The following ARHGAP10 variants were observed in gnomAD, a reference collection of about 807,000 sequenced individuals.
The protein encoded by ARHGAP10 is Rho GTPase activating protein 10.
Under a neutral mutation model 108.6 loss-of-function variants are expected in ARHGAP10, and 87 were observed. The ratio of observed to expected loss-of-function variants is 0.80; its 90% CI spans 0.67 to 0.96. The LOEUF (loss-of-function observed/expected upper bound fraction) is 0.96. Ranked by LOEUF, ARHGAP10 falls within the 40% of genes least tolerant of loss-of-function variation. The pLI is 0.00. For synonymous variants in ARHGAP10, 347 were observed against 341.1 expected (o/e 1.02, Z -0.19); for missense variants, 939 against 954.5 (o/e 0.98, Z 0.21).
intron 1 of ARHGAP10, among the ~76,000 whole-genome samples, chr4:147,812,935 A>G (rs1732089460): frequency 6.6e-6 from 1 of 152,200 alleles, no homozygotes; most frequent in South Asian, 2.1e-4. Flanking sequence ...ACTGGCACAA[A>G]GGGAGTGTTA....
At chr4:148,068,757 G>A (rs1340110090) in intron 22 of ARHGAP10, among the ~76,000 whole-genome samples, 1 of 152,206 alleles carries the variant, frequency 6.6e-6, no homozygotes, top group African/African-American at 2.4e-5. Context: ...CTGAAGTTGA[G>A]TGTGGGTTCC....
chr4:147,791,126 T>G (rs1731103859), intron 1 of ARHGAP10, among the ~76,000 whole-genome samples: 1 of 151,664 alleles, frequency 6.6e-6, no homozygotes, highest in African/African-American at 2.4e-5. Context: ...TTTTTTTTTT[T>G]TTTGAGACAG....
intron 1 of ARHGAP10, among the ~76,000 whole-genome samples, chr4:147,803,643 C>G (rs1731667075): frequency 6.6e-6 from 1 of 152,188 alleles, no homozygotes; most frequent in South Asian, 2.1e-4. Context: ...TCCATGAGGT[C>G]AACTTTATTG....
intron 1 of ARHGAP10, among the ~76,000 whole-genome samples, chr4:147,735,190 G>GGT (rs1728368466): frequency 6.6e-6 from 1 of 152,176 alleles, no homozygotes; most frequent in Non-Finnish European, 1.5e-5. Flanking sequence ...TTTATAATGG[G>GGT]GTAGAGGCCC....
intron 1 of ARHGAP10, among the ~76,000 whole-genome samples, chr4:147,743,268 C>T (rs1728767494): frequency 6.6e-6 from 1 of 151,942 alleles, no homozygotes; most frequent in Admixed American, 6.6e-5. Flanking sequence ...TGCTTGACCT[C>T]GTGATCCACC....
chr4:147,741,549 G>A (rs919008973), intron 1 of ARHGAP10, among the ~76,000 whole-genome samples: 10 of 152,278 alleles, frequency 6.6e-5, no homozygotes, highest in African/African-American at 2.4e-4. Context: ...ATGATTTTCA[G>A]GCAGGGACTG....
chr4:147,946,746 G>T (rs1402684023), intron 15 of ARHGAP10, 42 bp downstream of exon 15: 1 of 1,457,988 alleles, frequency 6.9e-7, no homozygotes, highest in Non-Finnish European at 9.3e-7. Context: ...TGGACTATTT[G>T]GATCTGTAAC....
intron 18 of ARHGAP10, among the ~76,000 whole-genome samples, chr4:147,994,044 T>G (rs1056636128): frequency 1.3e-5 from 2 of 152,204 alleles, no homozygotes; most frequent in Admixed American, 6.5e-5. Context: ...ACAGCTTGCT[T>G]TATTCATTTA....
intron 15 of ARHGAP10, among the ~76,000 whole-genome samples, chr4:147,953,428 A>G (rs142134563): frequency 2.6e-5 from 4 of 152,180 alleles, no homozygotes; most frequent in African/African-American, 7.2e-5. Context: ...ATTTTTAACC[A>G]CAAATTCAAT....
chr4:147,755,779 GTGTGGGTGTGTGTGAGTGGT>G (rs1023005148), intron 1 of ARHGAP10, among the ~76,000 whole-genome samples: 2 of 152,124 alleles, frequency 1.3e-5, no homozygotes, highest in East Asian at 1.9e-4. Flanking sequence ...AGAAGGTGGG[GTGTGGGTGTGTGTGAGTGGT>G]TGTGGGTGTG....
chr4:147,899,955 G>C (rs1181926908), intron 10 of ARHGAP10, among the ~76,000 whole-genome samples: 1 of 146,872 alleles, frequency 6.8e-6, no homozygotes, highest in Non-Finnish European at 1.5e-5. Context: ...TATAAGTTTT[G>C]ATATCTGCTT....
At chr4:147,791,531 T>TGC in intron 1 of ARHGAP10, among the ~76,000 whole-genome samples, 1 of 152,112 alleles carries the variant, frequency 6.6e-6, no homozygotes, top group African/African-American at 2.4e-5. Context: ...CGTGTGTGTG[T>TGC]GTGCGCGCGC....
chr4:147,848,435 C>T (rs896086516), intron 4 of ARHGAP10, among the ~76,000 whole-genome samples: 4 of 152,202 alleles, frequency 2.6e-5, no homozygotes, highest in Admixed American at 6.5e-5. Context: ...GATCGGAGGT[C>T]AGCTTTCACT....
At chr4:147,989,477 G>A (rs905736102) in intron 18 of ARHGAP10, among the ~76,000 whole-genome samples, 9 of 152,136 alleles carry the variant, frequency 5.9e-5, no homozygotes, top group Non-Finnish European at 1.5e-5. Flanking sequence ...CTGCAATCTT[G>A]ACCATAAGAG....
In ARHGAP10 at chr4:147,734,279, A is replaced by T. The variant is rs575089288; in HGVS notation, c.154+1824A>T. 2.6e-5 allele frequency among the ~76,000 whole-genome samples: 4 copies of T among 152,262 alleles called. No individual in the cohort carries two copies. The South Asian group carries it at 8.3e-4, about 32-fold the overall frequency. ...GCATATTAGCTTTCCTGCCATCAGG[A>T]CACATGCGTTAGGTTCCAGCAGCAG... On this transcript the variant is annotated intron_variant, in intron 1 of 22. Transcript: ENST00000336498.
At chr4:148,024,270 A>G (rs1396863569) in intron 19 of ARHGAP10, among the ~76,000 whole-genome samples, 2 of 152,228 alleles carry the variant, frequency 1.3e-5, no homozygotes, top group African/African-American at 4.8e-5. Flanking sequence ...ATTTGAAAGT[A>G]GTCTTCATTC....
intron 18 of ARHGAP10, among the ~76,000 whole-genome samples, chr4:147,989,383 G>T (rs988552335): frequency 2.0e-5 from 3 of 152,142 alleles, no homozygotes; most frequent in Non-Finnish European, 4.4e-5. Flanking sequence ...GAGATCAACC[G>T]GTCTGACCAA....
rs114294973 is a variant in ARHGAP10, at chr4:147,871,394, C to T, written c.703-3627C>T. 4.5e-4 allele frequency among the ~76,000 whole-genome samples: 69 copies of T among 152,134 alleles called. 1 individual carries two copies. The highest frequency in any genetic ancestry group is 1.6e-3 in the African/African-American group (65 of 41,492). On this transcript the variant is annotated intron_variant, in intron 7 of 22. Transcript: ENST00000336498. ...CCCCCCAAGTAGGACTATTCGTGTC[C>T]GTCTCTCTATTTTACAATGATATGG...
At position 148,028,887 on chromosome 4, in the gene ARHGAP10, C is replaced by T. The variant is rs377591925; in HGVS notation, c.1867+5474C>T. On this transcript the variant is annotated intron_variant, in intron 19 of 22. Transcript: ENST00000336498. ...CAAGGCAGATAAAGTGGACATTATT[C>T]GCCACAGATTAGGCTCATAGGTAAA... 2.8e-4 allele frequency among the ~76,000 whole-genome samples: 43 copies of T among 152,158 alleles called. 1 individual carries two copies. The highest frequency in any genetic ancestry group is 4.1e-4 in the African/African-American group (17 of 41,424).
Sources: gnomAD v4.1 joint callset for allele counts (sites outside exome capture counted in the v4.1 genomes callset) on GRCh38, gnomAD v4.1.1 for gene constraint, MANE v1.5 for transcripts, NCBI Gene and HGNC (gene_info 2026-07-23, HGNC 2026-07-21) for gene names.